The following KHDRBS2 variants were observed in gnomAD, a reference collection of about 807,000 sequenced individuals.
The protein encoded by KHDRBS2 is KH RNA binding domain containing, signal transduction associated 2, also known as KH domain-containing, RNA-binding, signal transduction-associated protein 2.
A neutral mutation model predicts 44.3 loss-of-function variants in KHDRBS2; 26 were observed. That is an observed-to-expected ratio of 0.59 (90% confidence interval 0.43 to 0.81). KHDRBS2 has a LOEUF of 0.81. Ranked by LOEUF, KHDRBS2 falls within the 40% of genes least tolerant of loss-of-function variation. KHDRBS2 has a pLI of 0.00. For missense variants in KHDRBS2, 476 were observed against 433.1 expected (o/e 1.10, Z -0.88); for synonymous variants, 194 against 151.1 (o/e 1.28, Z -2.08).
the KHDRBS2 span, among the ~76,000 whole-genome samples, chr6:61,607,942 C>T: frequency 1.3e-5 from 2 of 152,204 alleles, no homozygotes; most frequent in Non-Finnish European, 2.9e-5. Flanking sequence ...CCTACCTTGG[C>T]CTCCCAAAGT....
intron 1 of KHDRBS2, among the ~76,000 whole-genome samples, chr6:62,267,646 C>CT (rs1291432731): frequency 1.3e-5 from 2 of 152,076 alleles, no homozygotes; most frequent in East Asian, 3.9e-4. Context: ...TCAAAATGAG[C>CT]TACAGACTAA....
intron 3 of KHDRBS2, among the ~76,000 whole-genome samples, chr6:62,010,953 C>T (rs1780185135): frequency 6.6e-6 from 1 of 151,834 alleles, no homozygotes; most frequent in South Asian, 2.1e-4. Context: ...AAAAAATAAA[C>T]ATTTGTCCCT....
At chr6:61,819,573 G>C (rs1583003359) in intron 6 of KHDRBS2, among the ~76,000 whole-genome samples, 1 of 151,914 alleles carries the variant, frequency 6.6e-6, no homozygotes, top group African/African-American at 2.4e-5. Flanking sequence ...TGAGTGCACT[G>C]TTCTTTCTGA....
At chr6:61,901,842 A>G (rs1804101718) in intron 4 of KHDRBS2, among the ~76,000 whole-genome samples, 1 of 152,256 alleles carries the variant, frequency 6.6e-6, no homozygotes, top group Non-Finnish European at 1.5e-5. Context: ...GATACTGAGC[A>G]TGTATTACAA....
At chr6:61,851,222 T>C (rs1795358572) in intron 6 of KHDRBS2, among the ~76,000 whole-genome samples, 1 of 151,726 alleles carries the variant, frequency 6.6e-6, no homozygotes, top group Non-Finnish European at 1.5e-5. Context: ...CACACACATA[T>C]ATATGTGTAT....
intron 6 of KHDRBS2, among the ~76,000 whole-genome samples, chr6:61,805,430 C>T (rs775749645): frequency 6.6e-6 from 1 of 152,116 alleles, no homozygotes; most frequent in East Asian, 1.9e-4. Flanking sequence ...TGAGACCTAC[C>T]AATGGTTCCA....
intron 4 of KHDRBS2, among the ~76,000 whole-genome samples, chr6:61,948,990 T>C (rs1268353550): frequency 6.6e-6 from 1 of 152,054 alleles, no homozygotes; most frequent in African/African-American, 2.4e-5. Flanking sequence ...TTAGCTGATA[T>C]ACAAGAAGAA....
At chr6:61,740,972 G>A (rs1366686991) in intron 6 of KHDRBS2, among the ~76,000 whole-genome samples, 2 of 151,700 alleles carry the variant, frequency 1.3e-5, no homozygotes, top group African/African-American at 4.8e-5. Flanking sequence ...AAAGCTCTAC[G>A]TGAACACAAT....
the KHDRBS2 span, among the ~76,000 whole-genome samples, chr6:61,549,732 C>G: frequency 6.6e-6 from 1 of 152,010 alleles, no homozygotes; most frequent in East Asian, 1.9e-4. Context: ...TGATAAGTAA[C>G]CTTTTCAGAT....
At position 62,008,573 on chromosome 6, in the gene KHDRBS2, A is replaced by T. The variant is rs565351438; in HGVS notation, c.337-30361T>A. Among the ~76,000 whole-genome samples, 3 of 152,272 alleles carry T rather than the reference A, an allele frequency of 2.0e-5. No homozygotes were observed. The South Asian group carries it at 6.2e-4, about 32-fold the overall frequency. On this transcript the variant is annotated intron_variant, in intron 3 of 8. Coordinates refer to ENST00000281156, the MANE Select transcript of KHDRBS2 (RefSeq NM_152688.4). ...AGCTAATTTTGGGGATGGAATTATC[A>T]AACAGTGATCCCCTTGATATGATTT...
intron 4 of KHDRBS2, among the ~76,000 whole-genome samples, chr6:61,931,063 A>C (rs1384176805): frequency 6.6e-6 from 1 of 152,106 alleles, no homozygotes; most frequent in East Asian, 1.9e-4. Context: ...CAAAAAATTC[A>C]ATCATATTAC....
intron 1 of KHDRBS2, among the ~76,000 whole-genome samples, chr6:62,179,703 G>A (rs767212859): frequency 4.0e-5 from 6 of 151,680 alleles, no homozygotes; most frequent in Non-Finnish European, 5.9e-5. Context: ...GAAATTATTT[G>A]TCAACCACAA....
At chr6:62,114,632 C>T (rs1000972288) in intron 2 of KHDRBS2, among the ~76,000 whole-genome samples, 1 of 152,034 alleles carries the variant, frequency 6.6e-6, no homozygotes, top group Non-Finnish European at 1.5e-5. Flanking sequence ...ACAAAAATAT[C>T]TTACATTCAA....
At chr6:61,556,291 G>C in the KHDRBS2 span, among the ~76,000 whole-genome samples, 38 of 152,228 alleles carry the variant, frequency 2.5e-4, no homozygotes, top group Non-Finnish European at 4.7e-4. Context: ...TGGTGGCAAT[G>C]GCAGTGCAGG....
intron 2 of KHDRBS2, among the ~76,000 whole-genome samples, chr6:62,064,852 A>G (rs1316961997): frequency 3.3e-5 from 5 of 150,312 alleles, no homozygotes; most frequent in East Asian, 3.9e-4. Flanking sequence ...GCAACCTACA[A>G]AATGGGAGAA....
the KHDRBS2 span, among the ~76,000 whole-genome samples, chr6:61,615,233 C>CAAAAAAAAAAAA: frequency 4.3e-4 from 25 of 58,530 alleles, no homozygotes; most frequent in South Asian, 8.3e-4. Context: ...ACTCCATCTC[C>CAAAAAAAAAAAA]AAAAAAAAAA....
rs139913566 is a variant in KHDRBS2, at chr6:62,188,441, G to C, written c.92-11129C>G. On this transcript the variant is annotated intron_variant, in intron 1 of 8. Transcript: ENST00000281156. ...GTGACACGTAGCATAATGTCCTCCA[G>C]GTCCATCCATGTTGTCACAAATGGA... Among the ~76,000 whole-genome samples the C allele has an allele frequency of 2.9e-3, 440 of 152,154 alleles. 4 individuals carry two copies. The highest frequency in any genetic ancestry group is 9.7e-3 in the African/African-American group (404 of 41,516).
intron 4 of KHDRBS2, among the ~76,000 whole-genome samples, chr6:61,911,777 C>G (rs1806090885): frequency 6.6e-6 from 1 of 151,966 alleles, no homozygotes; most frequent in African/African-American, 2.4e-5. Flanking sequence ...GTCATAGCAA[C>G]TTTCTTGAAG....
intron 6 of KHDRBS2, among the ~76,000 whole-genome samples, chr6:61,857,548 G>A (rs1427142774): frequency 2.6e-5 from 4 of 151,202 alleles, no homozygotes; most frequent in Non-Finnish European, 5.9e-5. Context: ...TATAATCAAT[G>A]TTTCCATGGA....
Sources: allele counts gnomAD v4.1 joint callset (sites outside exome capture counted in the v4.1 genomes callset), GRCh38; gene constraint gnomAD v4.1.1; transcripts MANE v1.5; gene names NCBI Gene and HGNC (gene_info 2026-07-23, HGNC 2026-07-21).